PXK: variants seen among roughly 807,000 people sequenced by gnomAD.
The protein encoded by PXK is PX domain containing serine/threonine kinase like.
In PXK, 35 loss-of-function variants were observed where a neutral mutation model predicts 84.7. The ratio of observed to expected loss-of-function variants is 0.41; its 90% CI spans 0.32 to 0.55. The LOEUF is 0.55. PXK is among the 20% of genes least tolerant of loss of function. The pLI, the probability that PXK is intolerant of heterozygous loss-of-function variation, is 0.21. For synonymous variants in PXK, 253 were observed against 260.8 expected (o/e 0.97, Z 0.29); for missense variants, 634 against 699.7 (o/e 0.91, Z 1.06).
chr3:58,414,551 C>A lies in PXK; in HGVS notation c.1528+1588C>A, dbSNP rs2107660217. On this transcript the variant is annotated intron_variant, in intron 17 of 17. Transcript: ENST00000356151. The surrounding 1 kb of genome is among the most constrained non-coding windows in gnomAD (Gnocchi z 4.5). Reference sequence around the variant, plus strand: ...AAGAGGAATCTTGTATAATTAGAGTCAATGTTGGGAAAACTTGGAGGTGAG... The same window carrying A: ...AAGAGGAATCTTGTATAATTAGAGTAAATGTTGGGAAAACTTGGAGGTGAG... The A allele has an allele frequency of 6.6e-6, 1 of 152,228 alleles. No individual in the cohort carries two copies. The highest frequency in any genetic ancestry group is 2.1e-4 in the South Asian group (1 of 4,820). The allele number at this position is 152,228 out of a possible 1,614,324, so 9.4% of individuals were successfully genotyped here.
chr3:58,347,937 T>C (rs2097851886), intron 1 of PXK, among the ~76,000 whole-genome samples: 1 of 152,154 alleles, frequency 6.6e-6, no homozygotes, highest in Non-Finnish European at 1.5e-5. Context: ...TTTTTGAGAC[T>C]GAGTCTCACT....
At chr3:58,355,975 G>T (rs1310870895) in intron 1 of PXK, among the ~76,000 whole-genome samples, 1 of 151,956 alleles carries the variant, frequency 6.6e-6, no homozygotes, top group African/African-American at 2.4e-5. Context: ...ATCTCGCTGA[G>T]CTGAGATCTA....
rs1312583256 is a variant in PXK, at chr3:58,390,884, A to C, written c.466+225A>C. ...GATGGTAATAACTTTCAGAAACACC[A>C]TTCCTTCTTCATCTATCTTTTTCAC... On this transcript the variant is annotated intron_variant, in intron 5 of 17. Coordinates refer to ENST00000356151, the MANE Select transcript of PXK (RefSeq NM_017771.5). The surrounding 1 kb of genome is among the most constrained non-coding windows in gnomAD (Gnocchi z 4.2). Among the ~76,000 whole-genome samples, 1 of 152,186 alleles carries C rather than the reference A, an allele frequency of 6.6e-6. No homozygotes were observed. Among genetic ancestry groups the C allele is most frequent in the Admixed American group, 6.5e-5 (1 of 15,274 alleles).
chr3:58,335,815 G>C (rs1212243393), intron 1 of PXK, among the ~76,000 whole-genome samples: 1 of 151,780 alleles, frequency 6.6e-6, no homozygotes, highest in Non-Finnish European at 1.5e-5. Context: ...CTGTAAATGG[G>C]AGTAATAAAT....
At chr3:58,406,600 A>T (rs1369167253) in intron 13 of PXK, among the ~76,000 whole-genome samples, 1 of 152,206 alleles carries the variant, frequency 6.6e-6, no homozygotes, top group African/African-American at 2.4e-5. Context: ...AAAATACAAT[A>T]TAAAATTTAC....
intron 17 of PXK, 161 bp downstream of exon 17, chr3:58,413,124 A>T: frequency 1.3e-6 from 1 of 745,654 alleles, no homozygotes; most frequent in Non-Finnish European, 2.2e-6. Flanking sequence ...CATTTGGGAG[A>T]GCTGAGGGGC....
chr3:58,412,935 G>T lies in PXK; in HGVS notation c.1500G>T (p.Pro500=), dbSNP rs377154965. ...GGGCCAGCTCACCTCTCACGTCCCCGTCATCGCCAACTCCACCCTCTACAT... is the reference window on the plus strand; with the variant it reads ...GGGCCAGCTCACCTCTCACGTCCCCTTCATCGCCAACTCCACCCTCTACAT... ...GSGASSPLTS[P]SSPTPPSTSG... Residue 500 remains proline (P), a synonymous_variant, in exon 17 of 18, where the codon CCG becomes CCT. Coordinates refer to ENST00000356151, the MANE Select transcript of PXK (RefSeq NM_017771.5). This position sits in a 1 kb window ranked among gnomAD's most constrained non-coding sequence, Gnocchi z 6.2. 21 of 1,613,972 alleles carry T rather than the reference G, an allele frequency of 1.3e-5. No individual in the cohort carries two copies. The Admixed American group carries it at 3.5e-4, about 27-fold the overall frequency.
At chr3:58,375,980 CTTGT>C (rs1192851027) in intron 3 of PXK, among the ~76,000 whole-genome samples, 1 of 152,018 alleles carries the variant, frequency 6.6e-6, no homozygotes, top group African/African-American at 2.4e-5. Flanking sequence ...TAATAATTAT[CTTGT>C]TTTTATTAAT....
chr3:58,414,359 C>T lies in PXK; in HGVS notation c.1528+1396C>T, dbSNP rs1344593366. On this transcript the variant is annotated intron_variant, in intron 17 of 17. Transcript: ENST00000356151. This position sits in a 1 kb window ranked among gnomAD's most constrained non-coding sequence, Gnocchi z 4.5. ...GCCCCTGTCTGTGTGGTTAGATCTG[C>T]CCCTGCTCACTTGACTGCCGGTTCT... is the stretch of plus-strand genomic sequence containing the variant. 1.3e-5 allele frequency: 2 copies of T among 152,192 alleles called. No individual in the cohort carries two copies. Among genetic ancestry groups the T allele is most frequent in the Non-Finnish European group, 2.9e-5 (2 of 68,032 alleles). The allele number at this position is 152,192 out of a possible 1,614,324, so 9.4% of individuals were successfully genotyped here. A position where few individuals can be genotyped will look rare whatever the true frequency, so the allele number is the denominator to read the frequency against.
At position 58,421,079 on chromosome 3, in the gene PXK, G is replaced by C; in HGVS notation, c.1529-3673G>C. ...TGACAGGAGTACAGCCTCCTCACCT[G>C]CCTGAAGCCAAAGGAGAAGGTGGTT... On this transcript the variant is annotated intron_variant, in intron 17 of 17. Coordinates refer to ENST00000356151, the MANE Select transcript of PXK (RefSeq NM_017771.5). The surrounding 1 kb of genome is among the most constrained non-coding windows in gnomAD (Gnocchi z 5.5). The C allele has an allele frequency of 3.0e-6, 3 of 992,924 alleles. No homozygotes were observed. The highest frequency in any genetic ancestry group is 3.6e-6 in the Non-Finnish European group (3 of 835,058). The allele number at this position is 992,924 out of a possible 1,614,324, so 61.5% of individuals were successfully genotyped here.
intron 13 of PXK, among the ~76,000 whole-genome samples, chr3:58,405,205 G>C (rs1219667900): frequency 6.6e-6 from 1 of 152,164 alleles, no homozygotes; most frequent in Non-Finnish European, 1.5e-5. Flanking sequence ...GTAGGTGGGA[G>C]ACTTCACTGT....
Position 58,401,868 on chromosome 3 carries a change from G to A in PXK, c.1182-1994G>A, listed in dbSNP as rs899649266. On this transcript the variant is annotated intron_variant, in intron 12 of 17. Transcript: ENST00000356151. The surrounding 1 kb of genome is among the most constrained non-coding windows in gnomAD (Gnocchi z 4.4). ...CGCGCCACTGCACTCCAGCCTGGGC[G>A]ACAGAGTGAGACTCCATCTCAAAAA... 7.9e-5 allele frequency among the ~76,000 whole-genome samples: 12 copies of A among 152,178 alleles called. No homozygotes were observed. Among genetic ancestry groups the A allele is most frequent in the East Asian group, 3.9e-4 (2 of 5,174 alleles).
chr3:58,409,343 G>A lies in PXK; in HGVS notation c.1309-189G>A, dbSNP rs2059848191. Among the ~76,000 whole-genome samples, 1 of 152,198 alleles carries A rather than the reference G, an allele frequency of 6.6e-6. No individual in the cohort carries two copies. The highest frequency in any genetic ancestry group is 6.5e-5 in the Admixed American group (1 of 15,280). On this transcript the variant is annotated intron_variant, in intron 14 of 17. Coordinates refer to ENST00000356151, the MANE Select transcript of PXK (RefSeq NM_017771.5). The surrounding 1 kb of genome is among the most constrained non-coding windows in gnomAD (Gnocchi z 4.2). ...AGGCAGGAAGGCATTAGGGGCATGA[G>A]AAAGGACCTCTTCCTTTGGCATACT...
intron 17 of PXK, 85 bp downstream of exon 17, chr3:58,413,048 A>G: frequency 1.4e-6 from 2 of 1,417,054 alleles, no homozygotes; most frequent in East Asian, 2.3e-5. Flanking sequence ...TTGGCCCAAC[A>G]ATTTCAGGGG....
rs553701397 is a variant in PXK, at chr3:58,383,184, C to G, written c.388+484C>G. On this transcript the variant is annotated intron_variant, in intron 4 of 17. Coordinates refer to ENST00000356151, the MANE Select transcript of PXK (RefSeq NM_017771.5). This position sits in a 1 kb window ranked among gnomAD's most constrained non-coding sequence, Gnocchi z 4.0. Reference sequence around the variant, plus strand: ...GCACATGCCTGTAATCCTAGCTACTCGGGAGGCTGAGGCAGGAGAATCGCT... The same window carrying G: ...GCACATGCCTGTAATCCTAGCTACTGGGGAGGCTGAGGCAGGAGAATCGCT... Among the ~76,000 whole-genome samples, 2 of 152,040 alleles carry G rather than the reference C, an allele frequency of 1.3e-5. No homozygotes were observed. Among genetic ancestry groups the G allele is most frequent in the African/African-American group, 4.8e-5 (2 of 41,378 alleles).
intron 1 of PXK, among the ~76,000 whole-genome samples, chr3:58,338,330 A>AG (rs2097661440): frequency 6.7e-6 from 1 of 149,054 alleles, no homozygotes; most frequent in Admixed American, 6.6e-5. Flanking sequence ...AAAAAAAAAA[A>AG]AGTTTCTTTA....
rs1210406343 is a variant in PXK, at chr3:58,407,013, CAGTGAACATGGGTGTGCA to C, written c.1231-1909_1231-1892del. On this transcript the variant is annotated intron_variant, in intron 13 of 17. Coordinates refer to ENST00000356151, the MANE Select transcript of PXK (RefSeq NM_017771.5). The surrounding 1 kb of genome is among the most constrained non-coding windows in gnomAD (Gnocchi z 4.3). ...CTCTTGTCTGTCATGAATAATGCTG[CAGTGAACATGGGTGTGCA>C]AATATCTTTTTGAGATCCTGCTTTT... 3.2e-4 allele frequency among the ~76,000 whole-genome samples: 48 copies of C among 152,300 alleles called. No homozygotes were observed. Among genetic ancestry groups the C allele is most frequent in the African/African-American group, 1.2e-3 (48 of 41,556 alleles).
intron 1 of PXK, among the ~76,000 whole-genome samples, chr3:58,358,731 G>A (rs1301461260): frequency 6.6e-6 from 1 of 152,036 alleles, no homozygotes; most frequent in Non-Finnish European, 1.5e-5. Flanking sequence ...ATGTTTCCAG[G>A]CATTACCAGA....
chr3:58,403,637 G>C (rs1240217591), intron 12 of PXK, among the ~76,000 whole-genome samples: 1 of 152,122 alleles, frequency 6.6e-6, no homozygotes, highest in Admixed American at 6.5e-5. Context: ...TACACAGCTG[G>C]CCCAGATACC....
Sources: allele counts gnomAD v4.1 joint callset (sites outside exome capture counted in the v4.1 genomes callset), GRCh38; gene constraint gnomAD v4.1.1; non-coding constraint Gnocchi (gnomAD v3.1); transcripts MANE v1.5; gene names NCBI Gene and HGNC (gene_info 2026-07-23, HGNC 2026-07-21).